The following GRSF1 variants were observed in gnomAD, a reference collection of about 807,000 sequenced individuals.
GRSF1 encodes the protein G-rich RNA sequence binding factor 1, also known as G-rich sequence factor 1.
GRSF1 carries 50 observed loss-of-function variants against 51.1 expected under a neutral mutation model. The observed-to-expected ratio is 0.98, with a 90% CI of 0.78 to 1.24. GRSF1 has a LOEUF of 1.24. Ranked by LOEUF, GRSF1 falls within the 50% of genes most tolerant of loss-of-function variation. The probability of loss-of-function intolerance (pLI) is 0.00; values close to 1 mark genes in which losing one functional copy is unlikely to be tolerated. For synonymous variants in GRSF1, 293 were observed against 253.3 expected, an observed-to-expected ratio of 1.16 and a Z score of -1.49; for missense variants, 700 against 639.7, an observed-to-expected ratio of 1.09 and a Z score of -1.02.
At chr4:70,837,793 G>C (rs1039623383) in intron 1 of GRSF1, among the ~76,000 whole-genome samples, 1 of 149,680 alleles carries the variant, frequency 6.7e-6, no homozygotes, top group African/African-American at 2.5e-5. Context: ...CCGCCACCCC[G>C]CCCGGCTAAT....
Position 70,818,934 on chromosome 4 carries a change from G to A in GRSF1, c.*1953C>T, listed in dbSNP as rs1476898615. On this transcript the variant is annotated 3_prime_UTR_variant, in exon 10 of 10. Transcript: ENST00000254799. The stretch of plus-strand genomic sequence containing the variant: ...AATAAGATTACTTTTACTGTATTAT[G>A]TGCTTCTCTTCCTTTCCCATAACTA... 1 of 152,116 alleles carries A rather than the reference G, an allele frequency of 6.6e-6. No individual in the cohort carries two copies. The highest frequency in any genetic ancestry group is 1.9e-4 in the East Asian group (1 of 5,184). 9.4% of individuals were successfully genotyped at this position (152,116 alleles called of 1,614,324 possible). A position where few individuals can be genotyped will look rare whatever the true frequency, so the allele number is the denominator to read the frequency against.
chr4:70,839,029 A>G, intron 1 of GRSF1: 4 of 786,034 alleles, frequency 5.1e-6, no homozygotes, highest in Non-Finnish European at 7.1e-6. Flanking sequence ...CGGCCGACCG[A>G]GAGGCGCCGA....
At chr4:70,831,413 G>T in intron 5 of GRSF1, 126 bp downstream of exon 5, 5 of 698,288 alleles carry the variant, frequency 7.2e-6, no homozygotes, top group Non-Finnish European at 1.1e-5. Flanking sequence ...ATGGGCATTT[G>T]ATGGCTCACT....
At position 70,823,700 on chromosome 4, in the gene GRSF1, T is replaced by C. The variant is rs117832028; in HGVS notation, c.*25+594A>G. Among the ~76,000 whole-genome samples the C allele has an allele frequency of 9.0e-3, 1,360 of 151,900 alleles. 19 individuals are homozygous for C. Among genetic ancestry groups the C allele is most frequent in the South Asian group, 0.043 (207 of 4,808 alleles). On this transcript the variant is annotated intron_variant, in intron 9 of 9. Transcript: ENST00000254799. ...GCCTGGGCAACATAGTGAGACCCCA[T>C]CTCTACAAAAAATTAAAAAATTAGG...
At chr4:70,821,982 GT>G (rs1388785406) in intron 9 of GRSF1, among the ~76,000 whole-genome samples, 4 of 151,716 alleles carry the variant, frequency 2.6e-5, no homozygotes, top group Non-Finnish European at 4.4e-5. Flanking sequence ...GGCCCCATGT[GT>G]TTTCAAGAAA....
Position 70,839,481 on chromosome 4 carries a change from C to A in GRSF1, c.347G>T (p.Ser116Ile). 7.0e-7 allele frequency: 1 copy of A among 1,435,268 alleles called. No homozygotes were observed. The highest frequency in any genetic ancestry group is 9.1e-7 in the Non-Finnish European group (1 of 1,101,806). The allele number at this position is 1,435,268 out of a possible 1,614,324, so 88.9% of individuals were successfully genotyped here. Reference sequence around the variant, plus strand: ...ACGGCGCCCACGTACCTGGCTGTAGCTGCGCGTCGGGACGGCGGCCGCCGC... The same window carrying A: ...ACGGCGCCCACGTACCTGGCTGTAGATGCGCGTCGGGACGGCGGCCGCCGC... ...LAAAAAVPTR[S>I]YSQESKTTYL... Residue 116 changes from serine (S) to isoleucine (I), a missense_variant, in exon 1 of 10, where the codon AGC (serine) becomes ATC (isoleucine). Ser to Ile is a moderately radical substitution (Grantham distance 142). Transcript: ENST00000254799.
At chr4:70,823,604 T>A (rs1270579324) in intron 9 of GRSF1, among the ~76,000 whole-genome samples, 2 of 151,902 alleles carry the variant, frequency 1.3e-5, no homozygotes, top group Non-Finnish European at 2.9e-5. Flanking sequence ...GCGGGGTGGC[T>A]CACTCTTGTA....
At position 70,827,968 on chromosome 4, in the gene GRSF1, T is replaced by G. The variant is rs957089584; in HGVS notation, c.1019A>C (p.Lys340Thr). The G allele has an allele frequency of 1.9e-6, 3 of 1,612,680 alleles. No individual in the cohort carries two copies. The African/African-American group carries it at 4.0e-5, about 22-fold the overall frequency. ...RTHVGSYKGK[K>T]IASFPTAKYI... ...CTTAGCAGTAGGAAAAGATGCGATT[T>G]TCTTTCCCTTATAAGAACCGACATG... is the stretch of plus-strand genomic sequence containing the variant. The change falls in exon 6 of 10, where the codon AAA becomes ACA. Residue 340 changes from lysine (K) to threonine (T), a missense_variant. By Grantham distance (78) the Lys-to-Thr change is moderately conservative (BLOSUM62 -1). Transcript: ENST00000254799.
At chr4:70,824,714 C>T (rs142184595) in intron 8 of GRSF1, among the ~76,000 whole-genome samples, 4,099 of 152,164 alleles carry the variant, frequency 0.027, 81 homozygotes, top group Middle Eastern at 0.055. Flanking sequence ...ACCCAGGAGG[C>T]GGAGGTTGCA....
Position 70,820,453 on chromosome 4 carries a change from G to A in GRSF1, c.*434C>T, listed in dbSNP as rs1412192083. On this transcript the variant is annotated 3_prime_UTR_variant, in exon 10 of 10. Transcript: ENST00000254799. The stretch of plus-strand genomic sequence containing the variant: ...GAATGTTTGGTTAAAATAAATCACT[G>A]TTTCACTCCATGAGAAGTTTTACAT... 1 of 152,064 alleles carries A rather than the reference G, an allele frequency of 6.6e-6. No homozygotes were observed. The highest frequency in any genetic ancestry group is 1.5e-5 in the Non-Finnish European group (1 of 67,952). 9.4% of individuals were successfully genotyped at this position (152,064 alleles called of 1,614,324 possible).
chr4:70,826,359 A>G, intron 6 of GRSF1, 114 bp from the exon 7 acceptor site: 1 of 845,544 alleles, frequency 1.2e-6, no homozygotes, highest in Admixed American at 3.2e-5. Context: ...TAAGAGCATT[A>G]AAAGCCAAAA....
intron 1 of GRSF1, among the ~76,000 whole-genome samples, chr4:70,837,677 G>C (rs1163277436): frequency 2.0e-5 from 3 of 149,756 alleles, no homozygotes; most frequent in African/African-American, 7.4e-5. Flanking sequence ...TTTCGCTCTT[G>C]TCGCCCAGAC....
intron 2 of GRSF1, 80 bp downstream of exon 2, chr4:70,836,078 A>T: frequency 1.3e-6 from 1 of 797,072 alleles, no homozygotes; most frequent in Non-Finnish European, 1.8e-6. Context: ...ACAAAATTAC[A>T]TACTTAAAAC....
At chr4:70,842,323 TG>T (rs1421388752), upstream of GRSF1, among the ~76,000 whole-genome samples, 1 of 152,206 alleles carries the variant, frequency 6.6e-6, no homozygotes, top group African/African-American at 2.4e-5. Context: ...ACAGTAATTT[TG>T]TTCATCAGTA....
chr4:70,817,155 G>C lies in GRSF1; in HGVS notation c.*3732C>G, dbSNP rs1278067908. 1 of 151,884 alleles carries C rather than the reference G, an allele frequency of 6.6e-6. No individual in the cohort carries two copies. The highest frequency in any genetic ancestry group is 1.9e-4 in the East Asian group (1 of 5,196). The allele number at this position is 151,884 out of a possible 1,614,324, so 9.4% of individuals were successfully genotyped here. On this transcript the variant is annotated 3_prime_UTR_variant, in exon 10 of 10. Coordinates refer to ENST00000254799, the MANE Select transcript of GRSF1 (RefSeq NM_002092.4). ...GGAAGGAGAATCTTCACTACCGTTT[G>C]TATCTCTTCAAGTTTATTTCCTTCA...
At chr4:70,828,955 T>C (rs916693455) in intron 5 of GRSF1, among the ~76,000 whole-genome samples, 1 of 151,750 alleles carries the variant, frequency 6.6e-6, no homozygotes, top group Non-Finnish European at 1.5e-5. Context: ...GCCAGGCTGG[T>C]CTCAAACTCC....
chr4:70,828,107 A>T (rs1309235287), intron 5 of GRSF1, 71 bp from the exon 6 acceptor site: 1 of 1,049,122 alleles, frequency 9.5e-7, no homozygotes, highest in African/African-American at 1.6e-5. Flanking sequence ...TTTAAAATAA[A>T]CATGTATACA....
chr4:70,820,839 A>C lies in GRSF1; in HGVS notation c.*48T>G, dbSNP rs1250497580. On this transcript the variant is annotated 3_prime_UTR_variant, in exon 10 of 10. Coordinates refer to ENST00000254799, the MANE Select transcript of GRSF1 (RefSeq NM_002092.4). The stretch of plus-strand genomic sequence containing the variant: ...ATCCCAAGTCCAAGAAAGATGTGCA[A>C]ATGAAATGCTTCTTGCTTCACCCTA... The C allele has an allele frequency of 6.6e-6, 1 of 152,670 alleles. No individual in the cohort carries two copies. Among genetic ancestry groups the C allele is most frequent in the African/African-American group, 2.4e-5 (1 of 41,462 alleles). 9.5% of individuals were successfully genotyped at this position (152,670 alleles called of 1,614,324 possible). A position where few individuals can be genotyped will look rare whatever the true frequency, so the allele number is the denominator to read the frequency against.
rs1185356901 is a variant in GRSF1 at position 70,839,557 on chromosome 4, C to T, written c.271G>A (p.Ala91Thr). Residue 91 changes from alanine to threonine, a missense_variant, in exon 1 of 10, where the codon GCC (alanine) becomes ACC (threonine). Transcript: ENST00000254799. Reference protein sequence around the residue: ...AVATSAAAAAAASYSALRASL... With the variant: ...AVATSAAAAATASYSALRASL... ...GCACGGAGGGCAGAGTAGGACGCGG[C>T]GGCCGCGGCCGCGGCAGAGGTGGCC... 15 of 1,421,150 alleles carry T rather than the reference C, an allele frequency of 1.1e-5. No individual in the cohort carries two copies. Among genetic ancestry groups the T allele is most frequent in the Non-Finnish European group, 1.3e-5 (14 of 1,089,802 alleles). The allele number at this position is 1,421,150 out of a possible 1,614,324, so 88.0% of individuals were successfully genotyped here. A position where few individuals can be genotyped will look rare whatever the true frequency, so the allele number is the denominator to read the frequency against.
Sources: allele counts gnomAD v4.1 joint callset (sites outside exome capture counted in the v4.1 genomes callset), GRCh38; gene constraint gnomAD v4.1.1; transcripts MANE v1.5; gene names NCBI Gene and HGNC (gene_info 2026-07-23, HGNC 2026-07-21).